The following GRIN2A variants were observed in gnomAD, a reference collection of about 807,000 sequenced individuals.
The protein encoded by GRIN2A is glutamate ionotropic receptor NMDA type subunit 2A, also known as glutamate receptor ionotropic, NMDA 2A.
GRIN2A carries 22 observed loss-of-function variants against 113.4 expected under a neutral mutation model. The ratio of observed to expected loss-of-function variants is 0.19; its 90% CI spans 0.14 to 0.28. GRIN2A has a LOEUF of 0.28. Among genes scored for constraint, GRIN2A ranks in the 10% least tolerant of loss-of-function variants. The pLI is 1.00. For synonymous variants in GRIN2A, 827 were observed against 738.4 expected, an observed-to-expected ratio of 1.12 and a Z score of -1.94; for missense variants, 1,502 against 1,887.0, an observed-to-expected ratio of 0.80 and a Z score of 3.78.
intron 3 of GRIN2A, among the ~76,000 whole-genome samples, chr16:9,924,345 G>A (rs1421506883): frequency 1.3e-5 from 2 of 152,096 alleles, no homozygotes; most frequent in Non-Finnish European, 2.9e-5. Context: ...TATTATTACT[G>A]TGCAAAGAAT....
Position 9,840,928 on chromosome 16 carries a change from T to C in GRIN2A, c.1497+8A>G. On this transcript the variant is annotated splice_region_variant and intron_variant, in intron 6 of 12. Coordinates refer to ENST00000330684, the MANE Select transcript of GRIN2A (RefSeq NM_001134407.3). The stretch of plus-strand genomic sequence containing the variant: ...AGTAAGAGCCTAGGGGATGAAAAGA[T>C]AACTTACTTCACCGATCATTCCATT... 6.2e-7 allele frequency: 1 copy of C among 1,613,340 alleles called. No homozygotes were observed. Among genetic ancestry groups the C allele is most frequent in the Non-Finnish European group, 8.5e-7 (1 of 1,179,584 alleles).
chr16:9,974,983 T>C (rs949579224), intron 2 of GRIN2A, among the ~76,000 whole-genome samples: 1 of 152,166 alleles, frequency 6.6e-6, no homozygotes, highest in African/African-American at 2.4e-5. Flanking sequence ...GCTTGTTGTA[T>C]TTGACCTTTA....
At chr16:10,171,706 A>G (rs1472706881) in intron 2 of GRIN2A, among the ~76,000 whole-genome samples, 1 of 152,256 alleles carries the variant, frequency 6.6e-6, no homozygotes, top group East Asian at 1.9e-4. Flanking sequence ...GTACATGTAC[A>G]CTGGAGAAAA....
intron 2 of GRIN2A, among the ~76,000 whole-genome samples, chr16:10,093,606 G>A (rs923692848): frequency 2.7e-5 from 4 of 147,640 alleles, no homozygotes; most frequent in East Asian, 2.0e-4. Flanking sequence ...GGGAATACCC[G>A]GGCAACAAAG....
At chr16:9,967,198 G>A (rs1175586481) in intron 2 of GRIN2A, among the ~76,000 whole-genome samples, 1 of 152,170 alleles carries the variant, frequency 6.6e-6, no homozygotes, top group East Asian at 1.9e-4. Context: ...AAACCTAAGT[G>A]CCCATCAGCC....
At chr16:10,009,917 G>A (rs2046474596) in intron 2 of GRIN2A, among the ~76,000 whole-genome samples, 2 of 152,188 alleles carry the variant, frequency 1.3e-5, no homozygotes, top group South Asian at 2.1e-4. Flanking sequence ...GAGACAGGCC[G>A]GATGATGGCC....
intron 2 of GRIN2A, among the ~76,000 whole-genome samples, chr16:9,974,471 C>T (rs184376332): frequency 6.2e-4 from 95 of 152,288 alleles, no homozygotes; most frequent in African/African-American, 1.7e-3. Flanking sequence ...CTTGCTCAAT[C>T]GATCACGACC....
intron 9 of GRIN2A, among the ~76,000 whole-genome samples, chr16:9,822,858 C>A (rs2042314860): frequency 6.6e-6 from 1 of 152,200 alleles, no homozygotes; most frequent in Non-Finnish European, 1.5e-5. Context: ...TTTCTGTGAT[C>A]TCCACCAATC....
At chr16:9,821,727 T>G (rs962153763) in intron 10 of GRIN2A, among the ~76,000 whole-genome samples, 2 of 152,126 alleles carry the variant, frequency 1.3e-5, no homozygotes, top group African/African-American at 4.8e-5. Flanking sequence ...AGCTATGGAG[T>G]CTGTGTTACA....
intron 2 of GRIN2A, among the ~76,000 whole-genome samples, chr16:10,004,518 C>A (rs1285612892): frequency 6.6e-6 from 1 of 152,122 alleles, no homozygotes; most frequent in Non-Finnish European, 1.5e-5. Flanking sequence ...AAATCAGTTG[C>A]ACTGGGCTAA....
intron 2 of GRIN2A, among the ~76,000 whole-genome samples, chr16:10,102,504 A>T (rs2048419534): frequency 6.6e-6 from 1 of 151,656 alleles, no homozygotes; most frequent in South Asian, 2.1e-4. Flanking sequence ...TTTACAAATT[A>T]CCTAATGTTG....
chr16:9,950,424 G>T (rs748688221), intron 2 of GRIN2A, among the ~76,000 whole-genome samples: 2 of 152,098 alleles, frequency 1.3e-5, no homozygotes, highest in Non-Finnish European at 2.9e-5. Context: ...ACTACCAAGG[G>T]TCTAGGAGGG....
intron 4 of GRIN2A, among the ~76,000 whole-genome samples, chr16:9,860,994 C>T (rs1185242353): frequency 6.6e-6 from 1 of 152,176 alleles, no homozygotes; most frequent in Non-Finnish European, 1.5e-5. Flanking sequence ...TGCCTGTTTA[C>T]TCATCTTCTC....
At chr16:10,135,965 A>G (rs1379657351) in intron 2 of GRIN2A, among the ~76,000 whole-genome samples, 3 of 152,174 alleles carry the variant, frequency 2.0e-5, no homozygotes, top group African/African-American at 7.2e-5. Context: ...TGCATTCATC[A>G]TACTCCGTCC....
At chr16:9,903,504 C>T (rs901711690) in intron 3 of GRIN2A, among the ~76,000 whole-genome samples, 1 of 152,156 alleles carries the variant, frequency 6.6e-6, no homozygotes, top group Non-Finnish European at 1.5e-5. Flanking sequence ...CCACCTTTTC[C>T]CTACTTGACA....
intron 3 of GRIN2A, 52 bp downstream of exon 3, chr16:9,937,907 G>T: frequency 1.5e-6 from 2 of 1,293,940 alleles, no homozygotes; most frequent in South Asian, 2.4e-5. Flanking sequence ...AGCAAACAAT[G>T]ACAACAGCAA....
At chr16:9,999,851 C>T (rs372412791) in intron 2 of GRIN2A, among the ~76,000 whole-genome samples, 3 of 152,150 alleles carry the variant, frequency 2.0e-5, no homozygotes, top group Admixed American at 6.5e-5. Flanking sequence ...ACAAGCACAA[C>T]GACTTAGAAT....
intron 2 of GRIN2A, among the ~76,000 whole-genome samples, chr16:10,160,810 C>A (rs8056673): frequency 0.014 from 2,181 of 152,294 alleles, 50 homozygotes; most frequent in African/African-American, 0.05. Flanking sequence ...TATTCTCCAG[C>A]TATCCTGAAT....
At chr16:9,769,295 C>A (rs1901111238) in intron 11 of GRIN2A, 1 of 409,804 alleles carries the variant, frequency 2.4e-6, no homozygotes, top group Non-Finnish European at 4.4e-6. Context: ...GCAGTGAGGA[C>A]AAAATTTATA....
Sources: allele counts gnomAD v4.1 joint callset (sites outside exome capture counted in the v4.1 genomes callset), GRCh38; gene constraint gnomAD v4.1.1; transcripts MANE v1.5; gene names NCBI Gene and HGNC (gene_info 2026-07-23, HGNC 2026-07-21).